The following KMT5A variants were observed in gnomAD, a reference collection of about 807,000 sequenced individuals.
KMT5A encodes N-lysine methyltransferase KMT5A.
Under a neutral mutation model 40.6 loss-of-function variants are expected in KMT5A, and 6 were observed. The observed-to-expected ratio is 0.15, with a 90% CI of 0.08 to 0.29. KMT5A has a LOEUF of 0.29. Among genes scored for constraint, KMT5A ranks in the 10% least tolerant of loss-of-function variants. The probability of loss-of-function intolerance (pLI) is 1.00; values close to 1 mark genes in which losing one functional copy is unlikely to be tolerated. For synonymous variants in KMT5A, 153 were observed against 178.8 expected (o/e 0.86, Z 1.15); for missense variants, 308 against 459.1 (o/e 0.67, Z 3.01).
intron 7 of KMT5A, 77 bp downstream of exon 7, chr12:123,405,151 ATTCTG>A: frequency 1.5e-6 from 2 of 1,368,944 alleles, no homozygotes; most frequent in Non-Finnish European, 2.0e-6. Context: ...GGAACTCCTG[ATTCTG>A]TTTGGTGGCC....
At chr12:123,400,417 G>T (rs1350097571) in intron 5 of KMT5A, among the ~76,000 whole-genome samples, 4 of 149,472 alleles carry the variant, frequency 2.7e-5, no homozygotes, top group African/African-American at 9.8e-5. Flanking sequence ...CTGGAGTGCA[G>T]GTGTGCGATC....
intron 7 of KMT5A, among the ~76,000 whole-genome samples, chr12:123,405,517 CTTTTTTTTTTTT>C (rs35093204): frequency 3.8e-5 from 3 of 78,026 alleles, no homozygotes; most frequent in Non-Finnish European, 6.9e-5. Flanking sequence ...CGCCTGCTTC[CTTTTTTTTTTTT>C]TTTTTTTTTT....
intron 1 of KMT5A, among the ~76,000 whole-genome samples, chr12:123,387,906 C>G (rs1876970701): frequency 3.3e-5 from 5 of 152,212 alleles, no homozygotes; most frequent in Admixed American, 3.3e-4. Context: ...TGGGCAGATG[C>G]AGGGAAATAA....
rs1398882908 is a variant in KMT5A, at chr12:123,395,162, A to C, written c.405A>C (p.Ala135=). 48 of 1,612,218 alleles carry C rather than the reference A, an allele frequency of 3.0e-5. No individual in the cohort carries two copies. The highest frequency in any genetic ancestry group is 4.0e-5 in the Non-Finnish European group (47 of 1,179,224). ...TTCCAAACCAAAAATCTGAAGCAGC[A>C]GAACCTCCAAAAACTCCACCCTCAT... The part of the protein sequence containing the change: ...VPFPNQKSEA[A]EPPKTPPSSC... Residue 135 remains alanine, a synonymous_variant, in exon 4 of 8, where the codon GCA becomes GCC. Transcript: ENST00000402868.
chr12:123,386,026 A>G (rs151091627), intron 1 of KMT5A, among the ~76,000 whole-genome samples: 77 of 152,062 alleles, frequency 5.1e-4, no homozygotes, highest in African/African-American at 1.9e-3. Context: ...TGTGCCACCC[A>G]ACCTCCCTTA....
chr12:123,402,470 G>T (rs958650132), intron 5 of KMT5A, among the ~76,000 whole-genome samples: 3 of 152,228 alleles, frequency 2.0e-5, no homozygotes, highest in African/African-American at 7.2e-5. Flanking sequence ...CCTCTGTGTA[G>T]GGGGAATGGG....
Position 123,404,574 on chromosome 12 carries a change from T to C in KMT5A, c.658-310T>C, listed in dbSNP as rs1360904034. Among the ~76,000 whole-genome samples the C allele has an allele frequency of 5.3e-5, 8 of 152,290 alleles. No homozygotes were observed. The East Asian group carries it at 1.5e-3, about 29-fold the overall frequency. On this transcript the variant is annotated intron_variant, in intron 6 of 7. Transcript: ENST00000402868. The stretch of plus-strand genomic sequence containing the variant: ...GCCTCTTTAAGCCTCAGTTTCCTCA[T>C]CTACAAAATGGGGCAGTCTCCACCT...
chr12:123,401,014 C>G (rs895218477), intron 5 of KMT5A, among the ~76,000 whole-genome samples: 1 of 151,484 alleles, frequency 6.6e-6, no homozygotes, highest in Non-Finnish European at 1.5e-5. Context: ...AGGCTGGTCT[C>G]GAACTCCTGA....
chr12:123,407,011 T>A (rs573641536), intron 7 of KMT5A, among the ~76,000 whole-genome samples: 44 of 39,186 alleles, frequency 1.1e-3, no homozygotes, highest in Admixed American at 1.7e-3. Flanking sequence ...GCGACGAGAC[T>A]CCCTCTCAAA....
intron 4 of KMT5A, 68 bp downstream of exon 4, chr12:123,395,334 G>C: frequency 1.3e-6 from 2 of 1,512,762 alleles, no homozygotes; most frequent in Non-Finnish European, 1.8e-6. Context: ...AGGGAAGCCT[G>C]CTCAGGTGCC....
intron 3 of KMT5A, chr12:123,391,489 C>G (rs1877317376): frequency 6.6e-6 from 1 of 152,198 alleles, no homozygotes. Flanking sequence ...GCCACCGCGC[C>G]TAGCTGCCTT....
At chr12:123,403,130 C>T (rs1457963808) in intron 5 of KMT5A, among the ~76,000 whole-genome samples, 3 of 152,222 alleles carry the variant, frequency 2.0e-5, no homozygotes, top group Non-Finnish European at 4.4e-5. Context: ...GTCTCGAACT[C>T]GTGACCTTAC....
intron 1 of KMT5A, among the ~76,000 whole-genome samples, chr12:123,387,381 TAAG>T (rs1260062508): frequency 5.9e-5 from 9 of 152,144 alleles, no homozygotes; most frequent in Admixed American, 2.6e-4. Flanking sequence ...GTGAAATGGA[TAAG>T]ATGATCTATG....
Position 123,390,827 on chromosome 12 carries a change from G to A in KMT5A, c.289+41G>A, listed in dbSNP as rs368011076. On this transcript the variant is annotated intron_variant, in intron 3 of 7. Coordinates refer to ENST00000402868, the MANE Select transcript of KMT5A (RefSeq NM_020382.7). ...GGCCTCGTTCTGATCCCAGCTGGTC[G>A]GGTTGCAGAAGCCTCTGTCCTCTGC... The A allele has an allele frequency of 3.7e-5, 59 of 1,604,972 alleles. No homozygotes were observed. In the African/African-American group the frequency reaches 7.1e-4, roughly 19 times the overall value.
intron 1 of KMT5A, 188 bp from the exon 2 acceptor site, chr12:123,389,245 C>G: frequency 6.7e-6 from 1 of 150,034 alleles, no homozygotes. Flanking sequence ...CCGGGCCGGG[C>G]GGCGGGAGGG....
chr12:123,395,164 A>G lies in KMT5A; in HGVS notation c.407A>G (p.Glu136Gly). Residue 136 changes from glutamate to glycine, a missense_variant, in exon 4 of 8, where the codon GAA becomes GGA. Coordinates refer to ENST00000402868, the MANE Select transcript of KMT5A (RefSeq NM_020382.7). ...CCAAACCAAAAATCTGAAGCAGCAG[A>G]ACCTCCAAAAACTCCACCCTCATCT... ...PFPNQKSEAA[E>G]PPKTPPSSCD... The G allele has an allele frequency of 6.2e-7, 1 of 1,612,502 alleles. No individual in the cohort carries two copies. The highest frequency in any genetic ancestry group is 1.7e-5 in the Admixed American group (1 of 59,636).
intron 7 of KMT5A, among the ~76,000 whole-genome samples, chr12:123,406,243 C>T (rs1353246849): frequency 1.3e-5 from 2 of 152,252 alleles, no homozygotes; most frequent in African/African-American, 2.4e-5. Context: ...GGCATTTGGC[C>T]AGAGCAGCTC....
At position 123,408,188 on chromosome 12, in the gene KMT5A, G is replaced by A. The variant is rs1014876104; in HGVS notation, c.*485G>A. Reference sequence around the variant, plus strand: ...TCTTGTTCCCCTAACGTCTCAACAGGCGCTCACTGAAGTGTATGAATATTT... The same window carrying A: ...TCTTGTTCCCCTAACGTCTCAACAGACGCTCACTGAAGTGTATGAATATTT... On this transcript the variant is annotated 3_prime_UTR_variant, in exon 8 of 8. Transcript: ENST00000402868. 10 of 157,372 alleles carry A rather than the reference G, an allele frequency of 6.4e-5. No homozygotes were observed. Among genetic ancestry groups the A allele is most frequent in the African/African-American group, 2.2e-4 (9 of 41,466 alleles). 9.7% of individuals were successfully genotyped at this position (157,372 alleles called of 1,614,324 possible). A position where few individuals can be genotyped will look rare whatever the true frequency, so the allele number is the denominator to read the frequency against.
At chr12:123,399,640 G>T (rs1233248088) in intron 5 of KMT5A, among the ~76,000 whole-genome samples, 2 of 152,188 alleles carry the variant, frequency 1.3e-5, no homozygotes, top group Non-Finnish European at 2.9e-5. Context: ...TGTGTGCACT[G>T]TTCTAGACCA....
Sources: allele counts gnomAD v4.1 joint callset (sites outside exome capture counted in the v4.1 genomes callset), GRCh38; gene constraint gnomAD v4.1.1; transcripts MANE v1.5; gene names NCBI Gene and HGNC (gene_info 2026-07-23, HGNC 2026-07-21).